KCTD19: variants seen among roughly 807,000 people sequenced by gnomAD.
KCTD19 encodes the protein BTB/POZ domain-containing protein KCTD19.
In KCTD19, 67 loss-of-function variants were observed where a neutral mutation model predicts 103.5. The observed-to-expected ratio is 0.65, with a 90% confidence interval of 0.53 to 0.79. The LOEUF (loss-of-function observed/expected upper bound fraction) is 0.79, where lower values mean the gene tolerates loss of function less well. KCTD19 is among the 30% of genes least tolerant of loss of function. The pLI is 0.00. For missense variants in KCTD19, 980 were observed against 1,136.1 expected (o/e 0.86, Z 1.98); for synonymous variants, 439 against 452.2 (o/e 0.97, Z 0.37).
At chr16:67,298,828 G>A (rs989666329) in intron 6 of KCTD19, among the ~76,000 whole-genome samples, 2 of 152,212 alleles carry the variant, frequency 1.3e-5, no homozygotes, top group Non-Finnish European at 2.9e-5. Context: ...ACAAAACAGG[G>A]TTGGATTCCT....
At position 67,303,945 on chromosome 16, in the gene KCTD19, T is replaced by G. The variant is rs1444986742; in HGVS notation, c.451+476A>C. Among the ~76,000 whole-genome samples the G allele has an allele frequency of 1.3e-5, 2 of 152,224 alleles. No homozygotes were observed. Among genetic ancestry groups the G allele is most frequent in the Non-Finnish European group, 2.9e-5 (2 of 68,048 alleles). Reference sequence around the variant, plus strand: ...CATTAAATTCATTTACCCATTTGATTCTAATTGATCAAACCAAACACAGTG... The same window carrying G: ...CATTAAATTCATTTACCCATTTGATGCTAATTGATCAAACCAAACACAGTG... On this transcript the variant is annotated intron_variant, in intron 3 of 15. Transcript: ENST00000304372. This position sits in a 1 kb window ranked among gnomAD's most constrained non-coding sequence, Gnocchi z 4.3.
intron 6 of KCTD19, 75 bp from the exon 7 acceptor site, chr16:67,297,738 T>A: frequency 7.1e-7 from 1 of 1,407,530 alleles, no homozygotes; most frequent in South Asian, 1.3e-5. Context: ...AAACTTTCCA[T>A]GCCTAGGATG....
intron 2 of KCTD19, among the ~76,000 whole-genome samples, chr16:67,309,252 C>A (rs2036926528): frequency 6.6e-6 from 1 of 151,940 alleles, no homozygotes; most frequent in East Asian, 1.9e-4. Flanking sequence ...GAGAAGTAGA[C>A]TGCACTCATA....
chr16:67,297,651 C>T lies in KCTD19; in HGVS notation c.999G>A (p.Gly333=), dbSNP rs900322469. ...VLFQHVKNWL[G]TCRLPLTETI... is the part of the protein sequence containing the mutation. ...TCTCTGTCAGGGGCAGCCGGCAAGTCCCCAGCCAGTTCCTGCCCAGAGGAA... is the reference window on the plus strand; with the variant it reads ...TCTCTGTCAGGGGCAGCCGGCAAGTTCCCAGCCAGTTCCTGCCCAGAGGAA... The change falls in exon 7 of 16, where the codon GGG becomes GGA. Residue 333 remains glycine, a synonymous_variant. Coordinates refer to ENST00000304372, the MANE Select transcript of KCTD19 (RefSeq NM_001100915.3). 3 of 1,613,774 alleles carry T rather than the reference C, an allele frequency of 1.9e-6. No homozygotes were observed. The highest frequency in any genetic ancestry group is 1.7e-5 in the Admixed American group (1 of 60,008).
rs776140785 is a variant in KCTD19, at chr16:67,301,794, T to C, written c.772A>G (p.Met258Val). 6.8e-6 allele frequency: 11 copies of C among 1,613,820 alleles called. No homozygotes were observed. In the South Asian group the frequency reaches 9.9e-5, roughly 15 times the overall value. Residue 258 changes from methionine (M) to valine (V), a missense_variant, in exon 5 of 16, where the codon ATG becomes GTG. By Grantham distance (21) the Met-to-Val change is conservative. Coordinates refer to ENST00000304372, the MANE Select transcript of KCTD19 (RefSeq NM_001100915.3). The part of the protein sequence containing the change: ...TEAVRWYRMN[M>V]GGCSPTTCSP... ...CCAAGGTTTCCTGGCGACATACCCA[T>C]GTTCATCCGGTACCACCTTACGGCT...
At chr16:67,299,103 T>G (rs894286432) in intron 6 of KCTD19, among the ~76,000 whole-genome samples, 1 of 152,238 alleles carries the variant, frequency 6.6e-6, no homozygotes, top group African/African-American at 2.4e-5. Context: ...ACCAGGGAAA[T>G]GGACTGCAGA....
chr16:67,326,692 G>T lies in KCTD19; in HGVS notation c.3+13C>A. The T allele has an allele frequency of 1.3e-6, 2 of 1,584,250 alleles. No homozygotes were observed. The highest frequency in any genetic ancestry group is 1.7e-6 in the Non-Finnish European group (2 of 1,169,634). On this transcript the variant is annotated intron_variant, in intron 1 of 15. Coordinates refer to ENST00000304372, the MANE Select transcript of KCTD19 (RefSeq NM_001100915.3). Reference sequence around the variant, plus strand: ...TGGTGCTTTTGGCGCCCCCGCCAGAGCGGGCTCCGTACCATGGTCGCGGCT... The same window carrying T: ...TGGTGCTTTTGGCGCCCCCGCCAGATCGGGCTCCGTACCATGGTCGCGGCT...
rs2036698754 is a variant in KCTD19 at position 67,291,718 on chromosome 16, C to A, written c.2338G>T (p.Asp780Tyr). ...ATCTCCGTGGTATAGATGATGCTGT[C>A]CTCAAAGAACATGCAGAAGCCATCG... Reference protein sequence around the residue: ...GSDGFCMFFEDSIIYTTEMDN... With the variant: ...GSDGFCMFFEYSIIYTTEMDN... The change falls in exon 13 of 16, where the codon GAC becomes TAC. Residue 780 changes from aspartate to tyrosine, a missense_variant. Physicochemically the swap from Asp to Tyr is radical, Grantham distance 160 (BLOSUM62 -3). Transcript: ENST00000304372. 6.2e-7 allele frequency: 1 copy of A among 1,614,060 alleles called. No individual in the cohort carries two copies. The highest frequency in any genetic ancestry group is 8.5e-7 in the Non-Finnish European group (1 of 1,179,992).
chr16:67,323,211 A>G lies in KCTD19; in HGVS notation c.4-2326T>C, dbSNP rs1202989112. ...CAATTCCACTCCTAGGTGTACACTT[A>G]AGACAAATAAAGACATATGTCCACA... On this transcript the variant is annotated intron_variant, in intron 1 of 15. Transcript: ENST00000304372. This position sits in a 1 kb window ranked among gnomAD's most constrained non-coding sequence, Gnocchi z 4.1. 6.6e-6 allele frequency among the ~76,000 whole-genome samples: 1 copy of G among 152,230 alleles called. No individual in the cohort carries two copies. Among genetic ancestry groups the G allele is most frequent in the Non-Finnish European group, 1.5e-5 (1 of 68,036 alleles).
chr16:67,320,804 T>G lies in KCTD19; in HGVS notation c.85A>C (p.Ser29Arg). ...GAGTCTGGAAACTGAGAGAGTTTGC[T>G]TCTGGGAACTGAGAAATGCCAGCCC... is the stretch of plus-strand genomic sequence containing the variant. ...VGGWHFSVPR[S>R]KLSQFPDSLL... Residue 29 changes from serine (S) to arginine (R), a missense_variant, in exon 2 of 16, where the codon AGC becomes CGC. Physicochemically the swap from Ser to Arg is moderately radical, Grantham distance 110 (BLOSUM62 -1). Transcript: ENST00000304372. The surrounding 1 kb of genome is among the most constrained non-coding windows in gnomAD (Gnocchi z 4.0). 6.2e-7 allele frequency: 1 copy of G among 1,614,174 alleles called. No individual in the cohort carries two copies. The highest frequency in any genetic ancestry group is 8.5e-7 in the Non-Finnish European group (1 of 1,180,020).
intron 2 of KCTD19, among the ~76,000 whole-genome samples, chr16:67,311,644 G>A (rs2036950527): frequency 6.6e-6 from 1 of 152,086 alleles, no homozygotes; most frequent in African/African-American, 2.4e-5. Context: ...AGAGGAAACG[G>A]CAAGTGAAAA....
intron 8 of KCTD19, chr16:67,295,807 C>T (rs372822162): frequency 1.0e-4 from 35 of 339,406 alleles, no homozygotes; most frequent in Middle Eastern, 9.5e-4. Flanking sequence ...TGCAGTGGCG[C>T]GATCTCAGCT....
rs560498763 is a variant in KCTD19 at position 67,291,816 on chromosome 16, G to T, written c.2240C>A (p.Pro747His). ...KERESPAPEQ[P>H]LPEASEVDSL... ...GTCCACCTCACTGGCCTCGGGCAGA[G>T]GCTGCTCAGGGGCAGGGCTTTCTGT... The change falls in exon 13 of 16, where the codon CCT becomes CAT. Residue 747 changes from proline to histidine, a missense_variant. By Grantham distance (77) the Pro-to-His change is moderately conservative. Coordinates refer to ENST00000304372, the MANE Select transcript of KCTD19 (RefSeq NM_001100915.3). The T allele has an allele frequency of 6.2e-7, 1 of 1,610,158 alleles. No homozygotes were observed. The highest frequency in any genetic ancestry group is 8.5e-7 in the Non-Finnish European group (1 of 1,177,266).
chr16:67,289,719 G>T, intron 15 of KCTD19, 37 bp from the exon 16 acceptor site: 1 of 1,487,090 alleles, frequency 6.7e-7, no homozygotes, highest in Non-Finnish European at 9.4e-7. Context: ...TGATTTCCTG[G>T]CCAGTTGTCT....
intron 6 of KCTD19, among the ~76,000 whole-genome samples, chr16:67,298,337 GTA>G (rs1385927071): frequency 6.6e-6 from 1 of 152,138 alleles, no homozygotes; most frequent in Non-Finnish European, 1.5e-5. Flanking sequence ...TTGTAGGAGA[GTA>G]AGCCTGGACA....
intron 6 of KCTD19, among the ~76,000 whole-genome samples, chr16:67,298,703 C>T (rs1448185121): frequency 1.3e-5 from 2 of 152,240 alleles, no homozygotes; most frequent in African/African-American, 4.8e-5. Flanking sequence ...TCAGGGTCAG[C>T]TGACCCTCTC....
At chr16:67,325,078 A>T (rs1344935346) in intron 1 of KCTD19, among the ~76,000 whole-genome samples, 1 of 152,150 alleles carries the variant, frequency 6.6e-6, no homozygotes, top group Non-Finnish European at 1.5e-5. Flanking sequence ...GGTGGCTGAG[A>T]GCTCAATGGG....
chr16:67,326,555 GC>G, intron 1 of KCTD19, 149 bp downstream of exon 1: 2 of 1,004,398 alleles, frequency 2.0e-6, no homozygotes, highest in Non-Finnish European at 1.4e-6. Flanking sequence ...CTCAGAGCCA[GC>G]CCCCCAAATC....
rs925768046 is a variant in KCTD19 at position 67,323,782 on chromosome 16, A to T, written c.4-2897T>A. On this transcript the variant is annotated intron_variant, in intron 1 of 15. Transcript: ENST00000304372. This position sits in a 1 kb window ranked among gnomAD's most constrained non-coding sequence, Gnocchi z 4.1. Reference sequence around the variant, plus strand: ...TTGGGGATGGTGAAAATGTTCTAAAATTGATTGTGATGATAGTTGCACAAC... The same window carrying T: ...TTGGGGATGGTGAAAATGTTCTAAATTTGATTGTGATGATAGTTGCACAAC... 2.6e-5 allele frequency among the ~76,000 whole-genome samples: 4 copies of T among 152,086 alleles called. No homozygotes were observed. The highest frequency in any genetic ancestry group is 4.4e-5 in the Non-Finnish European group (3 of 68,014).
Sources: gnomAD v4.1 joint callset for allele counts (sites outside exome capture counted in the v4.1 genomes callset) on GRCh38, gnomAD v4.1.1 for gene constraint, Gnocchi (gnomAD v3.1) non-coding constraint, MANE v1.5 for transcripts, NCBI Gene and HGNC (gene_info 2026-07-23, HGNC 2026-07-21) for gene names.